The following ASIP variants were observed in gnomAD, a reference collection of about 807,000 sequenced individuals.
The protein encoded by ASIP is agouti-signaling protein.
In ASIP, 11 loss-of-function variants were observed where a neutral mutation model predicts 10.3. The observed-to-expected ratio is 1.07, with a 90% confidence interval of 0.68 to 1.78. The LOEUF (loss-of-function observed/expected upper bound fraction) is 1.78. Among genes scored for constraint, ASIP ranks in the 40% most tolerant of loss-of-function variants. ASIP has a pLI of 0.00. For synonymous variants in ASIP, 70 were observed against 70.8 expected (o/e 0.99, Z 0.06); for missense variants, 180 against 169.2 (o/e 1.06, Z -0.35).
At chr20:34,208,300 A>G (rs1298262693) in intron 1 of ASIP, among the ~76,000 whole-genome samples, 1 of 151,860 alleles carries the variant, frequency 6.6e-6, no homozygotes, top group African/African-American at 2.4e-5. Context: ...GTTCCATATA[A>G]ATTTTAGGAC....
upstream of ASIP, among the ~76,000 whole-genome samples, chr20:34,191,391 C>T (rs929814186): frequency 5.3e-5 from 8 of 152,198 alleles, no homozygotes; most frequent in South Asian, 8.3e-4. Flanking sequence ...TGCTGAGGCT[C>T]GGGATCAGCA....
chr20:34,193,703 C>T (rs1467171673), upstream of ASIP, among the ~76,000 whole-genome samples: 3 of 152,218 alleles, frequency 2.0e-5, no homozygotes, highest in East Asian at 1.9e-4. Flanking sequence ...TTTTAATGTA[C>T]AGCTTCCAAA....
rs1203841706 is a variant in ASIP at position 34,200,992 on chromosome 20, C to T, written c.-11+6232C>T. Among the ~76,000 whole-genome samples the T allele has an allele frequency of 1.2e-3, 70 of 57,316 alleles. 3 individuals carry two copies. In the African/African-American group the frequency reaches 0.014, roughly 11 times the overall value. 37.6% of individuals were successfully genotyped at this position (57,316 alleles called of 152,430 possible). A position where few individuals can be genotyped will look rare whatever the true frequency, so the allele number is the denominator to read the frequency against. Reference sequence around the variant, plus strand: ...TCTTTCCTTCCTTCCTTCCTTCCTTCCTTCCTTCCTTCCTTCCTTCCTTCC... The same window carrying T: ...TCTTTCCTTCCTTCCTTCCTTCCTTTCTTCCTTCCTTCCTTCCTTCCTTCC... On this transcript the variant is annotated intron_variant, in intron 1 of 3. Coordinates refer to the ASIP transcript ENST00000568305.
chr20:34,266,844 C>A (rs1396439699), intron 3 of ASIP, among the ~76,000 whole-genome samples: 1 of 152,198 alleles, frequency 6.6e-6, no homozygotes, highest in African/African-American at 2.4e-5. Flanking sequence ...TAAAATCATA[C>A]CACCATTAAC....
intron 1 of ASIP, among the ~76,000 whole-genome samples, chr20:34,216,121 G>A (rs1276553450): frequency 1.3e-5 from 2 of 152,262 alleles, no homozygotes; most frequent in Admixed American, 1.3e-4. Context: ...GCCAGAGACG[G>A]AGTTGGCCGG....
chr20:34,268,634 G>A (rs1048535334), intron 3 of ASIP, among the ~76,000 whole-genome samples: 4 of 151,974 alleles, frequency 2.6e-5, no homozygotes, highest in Admixed American at 1.3e-4. Flanking sequence ...TACTTGGGAG[G>A]TTGAAGTGGC....
At chr20:34,207,681 T>A (rs2034946181) in intron 1 of ASIP, among the ~76,000 whole-genome samples, 1 of 152,238 alleles carries the variant, frequency 6.6e-6, no homozygotes, top group African/African-American at 2.4e-5. Flanking sequence ...AAGTCTTTAA[T>A]CCATTTTGAT....
At chr20:34,236,064 GAGAA>G (rs906416419) in intron 1 of ASIP, among the ~76,000 whole-genome samples, 20 of 133,356 alleles carry the variant, frequency 1.5e-4, no homozygotes, top group South Asian at 2.5e-4. Flanking sequence ...GAAGGAGAGA[GAGAA>G]AGAAAGAGAA....
intron 1 of ASIP, among the ~76,000 whole-genome samples, chr20:34,246,784 C>T (rs1302712215): frequency 6.6e-6 from 1 of 152,128 alleles, no homozygotes; most frequent in East Asian, 1.9e-4. Context: ...TTTAAAATTG[C>T]AGATAAACTT....
At chr20:34,232,350 C>T (rs936453434) in intron 1 of ASIP, among the ~76,000 whole-genome samples, 1 of 152,276 alleles carries the variant, frequency 6.6e-6, no homozygotes, top group South Asian at 2.1e-4. Flanking sequence ...CAGCATCCAC[C>T]GTCAGTTCTA....
At chr20:34,233,640 C>G (rs1428204899) in intron 1 of ASIP, among the ~76,000 whole-genome samples, 1 of 152,114 alleles carries the variant, frequency 6.6e-6, no homozygotes, top group African/African-American at 2.4e-5. Context: ...ATGGTACCAC[C>G]AGTCTGAAGA....
intron 1 of ASIP, among the ~76,000 whole-genome samples, chr20:34,258,832 TTATA>T (rs1157090191): frequency 8.3e-6 from 1 of 120,306 alleles, no homozygotes; most frequent in Non-Finnish European, 1.7e-5. Flanking sequence ...ATATATAGTA[TTATA>T]TATATAGTGT....
chr20:34,204,032 C>T (rs1166919120), intron 1 of ASIP, among the ~76,000 whole-genome samples: 1 of 152,112 alleles, frequency 6.6e-6, no homozygotes, highest in African/African-American at 2.4e-5. Flanking sequence ...CCATAAATGG[C>T]ATATTTTAAT....
At chr20:34,214,619 G>C in intron 1 of ASIP, 1 of 1,207,942 alleles carries the variant, frequency 8.3e-7, no homozygotes, top group Non-Finnish European at 1.2e-6. Flanking sequence ...CGTGAAACTT[G>C]AGCAAGCCTG....
chr20:34,199,912 G>GT (rs901835610), intron 1 of ASIP, among the ~76,000 whole-genome samples: 3 of 152,056 alleles, frequency 2.0e-5, no homozygotes, highest in African/African-American at 7.2e-5. Context: ...TGATTACTGA[G>GT]TTTTTTGTCA....
At chr20:34,237,708 C>G (rs1294032221), upstream of ASIP, among the ~76,000 whole-genome samples, 1 of 152,156 alleles carries the variant, frequency 6.6e-6, no homozygotes, top group East Asian at 1.9e-4. Context: ...GTGGTGAAAG[C>G]AGGCATCTTT....
At chr20:34,247,533 G>A (rs1451959906) in intron 1 of ASIP, among the ~76,000 whole-genome samples, 2 of 151,690 alleles carry the variant, frequency 1.3e-5, no homozygotes, top group South Asian at 2.1e-4. Flanking sequence ...TCCTGACCTC[G>A]TGATCCACCC....
At chr20:34,245,744 T>TC in intron 1 of ASIP, among the ~76,000 whole-genome samples, 1 of 152,032 alleles carries the variant, frequency 6.6e-6, no homozygotes, top group South Asian at 2.1e-4. Flanking sequence ...CATGACAGTC[T>TC]CCCTGTTTAT....
chr20:34,205,422 G>A (rs750777863), intron 1 of ASIP, among the ~76,000 whole-genome samples: 2 of 151,658 alleles, frequency 1.3e-5, no homozygotes, highest in African/African-American at 2.4e-5. Flanking sequence ...CGCTGGGCTC[G>A]TGGTCTCGCT....
Sources: allele counts gnomAD v4.1 joint callset (sites outside exome capture counted in the v4.1 genomes callset), GRCh38; gene constraint gnomAD v4.1.1; transcripts MANE v1.5; gene names NCBI Gene and HGNC (gene_info 2026-07-23, HGNC 2026-07-21).